POFUT3: variants seen among roughly 807,000 people sequenced by gnomAD.
POFUT3 encodes protein O-fucosyltransferase 3.
the POFUT3 span, among the ~76,000 whole-genome samples, chr8:33,405,283 A>T: frequency 6.6e-6 from 1 of 151,596 alleles, no homozygotes; most frequent in East Asian, 1.9e-4. Flanking sequence ...ACAGAGCAAG[A>T]CTCCGTCTCA....
At chr8:33,410,148 A>T in the POFUT3 span, among the ~76,000 whole-genome samples, 8 of 152,136 alleles carry the variant, frequency 5.3e-5, no homozygotes, top group South Asian at 2.1e-4. Flanking sequence ...ATTTCAAGGA[A>T]GTGTCCGAGA....
At chr8:33,456,523 A>G in the POFUT3 span, among the ~76,000 whole-genome samples, 5 of 151,640 alleles carry the variant, frequency 3.3e-5, no homozygotes, top group Non-Finnish European at 7.4e-5. Flanking sequence ...ACGCCCTGCT[A>G]ATTTTTTTGT....
At chr8:33,317,703 T>A in the POFUT3 span, among the ~76,000 whole-genome samples, 1 of 151,984 alleles carries the variant, frequency 6.6e-6, no homozygotes, top group African/African-American at 2.4e-5. Flanking sequence ...AACACCCTCC[T>A]TTTTCCCCCC....
chr8:33,470,889 C>T, the POFUT3 span, among the ~76,000 whole-genome samples: 1 of 152,066 alleles, frequency 6.6e-6, no homozygotes, highest in Non-Finnish European at 1.5e-5. Flanking sequence ...AAAAACTCTC[C>T]ATAAAAGATT....
chr8:33,360,303 G>A, the POFUT3 span, among the ~76,000 whole-genome samples: 35 of 151,784 alleles, frequency 2.3e-4, no homozygotes, highest in South Asian at 1.3e-3. Context: ...ATAATTAGCC[G>A]GGCGTGGTGG....
chr8:33,453,985 G>A, the POFUT3 span, among the ~76,000 whole-genome samples: 1 of 151,882 alleles, frequency 6.6e-6, no homozygotes, highest in Non-Finnish European at 1.5e-5. Flanking sequence ...AAATTGGCCG[G>A]GCATGGTGAT....
chr8:33,356,941 T>C, the POFUT3 span, among the ~76,000 whole-genome samples: 2 of 152,172 alleles, frequency 1.3e-5, no homozygotes, highest in African/African-American at 4.8e-5. Flanking sequence ...CCTTTCCCCA[T>C]TGCTTGTTTT....
the POFUT3 span, among the ~76,000 whole-genome samples, chr8:33,323,980 A>T: frequency 6.6e-6 from 1 of 152,188 alleles, no homozygotes; most frequent in South Asian, 2.1e-4. Context: ...CTCACCTAAG[A>T]GCCCAGAGCA....
the POFUT3 span, among the ~76,000 whole-genome samples, chr8:33,358,131 T>C: frequency 3.3e-5 from 5 of 152,142 alleles, no homozygotes; most frequent in Admixed American, 1.3e-4. Flanking sequence ...TGTGTTTCTG[T>C]AGTCCCAGCT....
chr8:33,369,938 A>G, the POFUT3 span, among the ~76,000 whole-genome samples: 3 of 152,114 alleles, frequency 2.0e-5, no homozygotes, highest in African/African-American at 7.2e-5. Flanking sequence ...TAAAAGTTGC[A>G]TTCATTTTTA....
At chr8:33,372,833 A>T in the POFUT3 span, 4 of 1,599,124 alleles carry the variant, frequency 2.5e-6, no homozygotes, top group African/African-American at 5.4e-5. Flanking sequence ...GAAATGAATT[A>T]AAAACATATG....
At chr8:33,356,006 AT>A in the POFUT3 span, among the ~76,000 whole-genome samples, 1 of 152,054 alleles carries the variant, frequency 6.6e-6, no homozygotes, top group South Asian at 2.1e-4. Context: ...TGAACTCATC[AT>A]TTTTTATGGC....
At chr8:33,459,166 C>G in the POFUT3 span, among the ~76,000 whole-genome samples, 1 of 152,102 alleles carries the variant, frequency 6.6e-6, no homozygotes, top group Non-Finnish European at 1.5e-5. Context: ...ATGGCAAAAC[C>G]CCGTCTCTAC....
At chr8:33,334,778 G>C in the POFUT3 span, among the ~76,000 whole-genome samples, 1 of 152,194 alleles carries the variant, frequency 6.6e-6, no homozygotes, top group Admixed American at 6.5e-5. Context: ...AGATAACTTG[G>C]ATGTGGCATT....
At chr8:33,361,041 C>T in the POFUT3 span, 1 of 152,166 alleles carries the variant, frequency 6.6e-6, no homozygotes, top group African/African-American at 2.4e-5. Context: ...AGATTATTTC[C>T]ATGGTGAATG....
chr8:33,431,017 C>T, the POFUT3 span, among the ~76,000 whole-genome samples: 2 of 152,082 alleles, frequency 1.3e-5, no homozygotes, highest in Non-Finnish European at 2.9e-5. Flanking sequence ...TTTATGGCAA[C>T]ATGCACACTT....
At chr8:33,400,377 C>T in the POFUT3 span, among the ~76,000 whole-genome samples, 8 of 152,096 alleles carry the variant, frequency 5.3e-5, no homozygotes, top group East Asian at 1.2e-3. Flanking sequence ...CACTTGAACC[C>T]GGAAGGCAGA....
At chr8:33,415,917 A>G in the POFUT3 span, among the ~76,000 whole-genome samples, 1 of 152,232 alleles carries the variant, frequency 6.6e-6, no homozygotes, top group African/African-American at 2.4e-5. Context: ...CAGAACTCCC[A>G]AACAGTTTTT....
chr8:33,374,081 T>C, the POFUT3 span, among the ~76,000 whole-genome samples: 50,182 of 152,076 alleles, frequency 0.33, 10,266 homozygotes, highest in East Asian at 0.56. Context: ...AGCATTGCCG[T>C]CTGAGCTCTG....
Sources: allele counts gnomAD v4.1 joint callset (sites outside exome capture counted in the v4.1 genomes callset), GRCh38; gene constraint gnomAD v4.1.1; transcripts MANE v1.5; gene names NCBI Gene and HGNC (gene_info 2026-07-23, HGNC 2026-07-21).